IFNG-AS1: variants seen among roughly 807,000 people sequenced by gnomAD.
IFNG-AS1 encodes the protein IFNG antisense RNA 1 (non-protein coding).
chr12:68,018,202 T>C (rs558643659), intron 3 of IFNG-AS1, among the ~76,000 whole-genome samples: 8 of 152,194 alleles, frequency 5.3e-5, no homozygotes, highest in African/African-American at 1.9e-4. Flanking sequence ...GTTAGAGTTA[T>C]TTATTTATTT....
intron 2 of IFNG-AS1, among the ~76,000 whole-genome samples, chr12:68,003,855 C>T (rs1019037734): frequency 2.0e-5 from 3 of 150,580 alleles, no homozygotes; most frequent in African/African-American, 7.4e-5. Flanking sequence ...TGCAGTGAAC[C>T]GAGATCGCCC....
intron 2 of IFNG-AS1, chr12:68,001,467 G>T: frequency 4.0e-6 from 1 of 251,658 alleles, no homozygotes; most frequent in South Asian, 5.8e-5. Context: ...GTTTTCATCT[G>T]ATTCCACTAG....
chr12:68,011,912 T>C (rs1880039229), intron 3 of IFNG-AS1, among the ~76,000 whole-genome samples: 1 of 152,216 alleles, frequency 6.6e-6, no homozygotes, highest in Non-Finnish European at 1.5e-5. Context: ...TGCTGTTGCC[T>C]TTCAGTTTCC....
intron 3 of IFNG-AS1, among the ~76,000 whole-genome samples, chr12:68,015,637 A>C (rs542691877): frequency 6.6e-6 from 1 of 152,310 alleles, no homozygotes; most frequent in South Asian, 2.1e-4. Context: ...ATTTGATTTT[A>C]GTACTATATA....
intron 2 of IFNG-AS1, among the ~76,000 whole-genome samples, chr12:67,996,652 T>C (rs568905833): frequency 2.0e-5 from 3 of 152,298 alleles, no homozygotes; most frequent in Non-Finnish European, 4.4e-5. Flanking sequence ...ACTTGGCTTC[T>C]CTCTTTCAAA....
At chr12:68,015,154 C>T (rs764972232) in intron 3 of IFNG-AS1, among the ~76,000 whole-genome samples, 7 of 152,140 alleles carry the variant, frequency 4.6e-5, no homozygotes, top group Non-Finnish European at 8.8e-5. Context: ...AGACCTCATA[C>T]TGAGGTCTTA....
At chr12:67,999,555 GAAC>G (rs901020188) in intron 2 of IFNG-AS1, among the ~76,000 whole-genome samples, 2 of 152,086 alleles carry the variant, frequency 1.3e-5, no homozygotes, top group Admixed American at 1.3e-4. Context: ...CCAATTTGAA[GAAC>G]AAAGTAAATT....
At chr12:67,999,753 G>C (rs1284511317) in intron 2 of IFNG-AS1, among the ~76,000 whole-genome samples, 1 of 152,100 alleles carries the variant, frequency 6.6e-6, no homozygotes, top group Non-Finnish European at 1.5e-5. Flanking sequence ...GGCGATGAGT[G>C]GGGCAATATA....
intron 2 of IFNG-AS1, among the ~76,000 whole-genome samples, chr12:67,998,870 A>G (rs1449134247): frequency 6.6e-6 from 1 of 152,200 alleles, no homozygotes; most frequent in Non-Finnish European, 1.5e-5. Context: ...AACATTTTAC[A>G]TTAGTTTGCA....
intron 1 of IFNG-AS1, among the ~76,000 whole-genome samples, chr12:67,990,636 C>G (rs1879487274): frequency 6.6e-6 from 1 of 151,728 alleles, no homozygotes; most frequent in Non-Finnish European, 1.5e-5. Context: ...CACTGTCGAC[C>G]GGGCTGGAGT....
chr12:68,012,610 A>AG (rs150611576), intron 3 of IFNG-AS1, among the ~76,000 whole-genome samples: 4,913 of 152,290 alleles, frequency 0.032, 188 homozygotes, highest in African/African-American at 0.08. Context: ...CAGTGGTTTG[A>AG]GGGGGTGAAG....
intron 2 of IFNG-AS1, among the ~76,000 whole-genome samples, chr12:68,003,710 C>T (rs1434701824): frequency 1.3e-5 from 2 of 151,982 alleles, no homozygotes; most frequent in South Asian, 2.1e-4. Context: ...GTCAGGAGAT[C>T]GAGACCATCT....
intron 2 of IFNG-AS1, among the ~76,000 whole-genome samples, chr12:67,999,464 A>G (rs1487423991): frequency 6.6e-6 from 1 of 152,204 alleles, no homozygotes; most frequent in Admixed American, 6.5e-5. Context: ...AAAGAAAAGA[A>G]GCAGTAAGAA....
At chr12:67,999,804 A>G (rs1283244794) in intron 2 of IFNG-AS1, among the ~76,000 whole-genome samples, 1 of 152,196 alleles carries the variant, frequency 6.6e-6, no homozygotes, top group Non-Finnish European at 1.5e-5. Flanking sequence ...GTCTCTCTCT[A>G]CGAAGTCCTT....
intron 2 of IFNG-AS1, among the ~76,000 whole-genome samples, chr12:68,002,628 T>C (rs1381918422): frequency 2.0e-5 from 3 of 152,240 alleles, no homozygotes; most frequent in Admixed American, 6.5e-5. Flanking sequence ...ATCTTAGACA[T>C]AGACCCAACT....
intron 3 of IFNG-AS1, among the ~76,000 whole-genome samples, chr12:68,012,604 G>T (rs1055755840): frequency 3.3e-5 from 5 of 151,584 alleles, no homozygotes; most frequent in Non-Finnish European, 7.4e-5. Context: ...CTGGGCCAGT[G>T]GTTTGAGGGG....
chr12:68,017,052 A>G (rs560985229), intron 3 of IFNG-AS1, among the ~76,000 whole-genome samples: 1 of 152,286 alleles, frequency 6.6e-6, no homozygotes, highest in African/African-American at 2.4e-5. Flanking sequence ...AGCGAATGAC[A>G]GAAGGGACCT....
intron 2 of IFNG-AS1, among the ~76,000 whole-genome samples, chr12:67,996,563 G>T (rs1879646639): frequency 6.6e-6 from 1 of 152,088 alleles, no homozygotes; most frequent in South Asian, 2.1e-4. Context: ...TATTCATCTA[G>T]CAGTCTGCCT....
intron 3 of IFNG-AS1, among the ~76,000 whole-genome samples, chr12:68,019,358 G>A (rs1368258947): frequency 6.6e-6 from 1 of 152,168 alleles, no homozygotes; most frequent in Non-Finnish European, 1.5e-5. Context: ...TTATAGTGAA[G>A]GAATCTGAGG....
Sources: allele counts gnomAD v4.1 joint callset (sites outside exome capture counted in the v4.1 genomes callset), GRCh38; gene constraint gnomAD v4.1.1; transcripts MANE v1.5; gene names NCBI Gene and HGNC (gene_info 2026-07-23, HGNC 2026-07-21).